EDARADD: variants seen among roughly 807,000 people sequenced by gnomAD.
EDARADD encodes ectodysplasin-A receptor-associated adapter protein.
In EDARADD, 20 loss-of-function variants were observed where a neutral mutation model predicts 25.6. The observed-to-expected ratio is 0.78, with a 90% CI of 0.55 to 1.14. The LOEUF (loss-of-function observed/expected upper bound fraction) is 1.14, where lower values mean the gene tolerates loss of function less well. Ranked by LOEUF, EDARADD falls within the 50% of genes most tolerant of loss-of-function variation. EDARADD has a pLI of 0.00. For synonymous variants in EDARADD, 86 were observed against 94.4 expected (o/e 0.91, Z 0.52); for missense variants, 225 against 270.1 (o/e 0.83, Z 1.17).
rs140417306 is a variant in EDARADD, at chr1:236,382,791, C to T, written c.-5-26425C>T. 2.0e-4 allele frequency among the ~76,000 whole-genome samples: 31 copies of T among 152,290 alleles called. 1 individual carries two copies. Among genetic ancestry groups the T allele is most frequent in the African/African-American group, 6.3e-4 (26 of 41,546 alleles). On this transcript the variant is annotated intron_variant, in intron 3 of 7. Transcript: ENST00000439430. ...AGGTTGTTTTCCAGTCTGGTTGGCACGAACAGGCACTATTACTAGCCCTGA... is the reference window on the plus strand; with the variant it reads ...AGGTTGTTTTCCAGTCTGGTTGGCATGAACAGGCACTATTACTAGCCCTGA...
rs370510313 is a variant in EDARADD, at chr1:236,456,007, T to C, written c.220-12224T>C. On this transcript the variant is annotated intron_variant, in intron 4 of 5. Transcript: ENST00000334232. ...AGTTTCACCATTTTAGCCAGGATGG[T>C]CTCGATCTGCTGACCTTGTAATCCG... Among the ~76,000 whole-genome samples the C allele has an allele frequency of 9.8e-5, 15 of 152,304 alleles. No individual in the cohort carries two copies. The East Asian group carries it at 1.4e-3, about 14-fold the overall frequency.
At chr1:236,475,596 C>G (rs1373187462) in intron 5 of EDARADD, among the ~76,000 whole-genome samples, 3 of 151,872 alleles carry the variant, frequency 2.0e-5, no homozygotes, top group Non-Finnish European at 4.4e-5. Context: ...AAACCCGTCT[C>G]TACTATAAAT....
intron 4 of EDARADD, among the ~76,000 whole-genome samples, chr1:236,429,193 A>AGGGAGAGGGAGC (rs201819535): frequency 0.44 from 63,753 of 143,400 alleles, 16,329 homozygotes; most frequent in Non-Finnish European, 0.58. Flanking sequence ...GCAGAGGGAG[A>AGGGAGAGGGAGC]GGGAGCGGGA....
chr1:236,434,211 G>A (rs1658181398), intron 4 of EDARADD, among the ~76,000 whole-genome samples: 1 of 151,924 alleles, frequency 6.6e-6, no homozygotes, highest in African/African-American at 2.4e-5. Flanking sequence ...ACACAAATCT[G>A]TAAATGTTCT....
At chr1:236,369,367 C>T (rs562497479) in intron 3 of EDARADD, among the ~76,000 whole-genome samples, 22 of 152,250 alleles carry the variant, frequency 1.4e-4, no homozygotes, top group African/African-American at 4.3e-4. Context: ...AGTTCTTCTT[C>T]GAGTTCTTTC....
chr1:236,364,229 G>A (rs192054828), intron 3 of EDARADD, among the ~76,000 whole-genome samples: 71 of 152,220 alleles, frequency 4.7e-4, no homozygotes, highest in African/African-American at 1.7e-3. Flanking sequence ...TCATTTTATA[G>A]CAATGCGAGA....
chr1:236,455,670 A>T (rs55634882), intron 4 of EDARADD, among the ~76,000 whole-genome samples: 62,263 of 152,148 alleles, frequency 0.41, 13,742 homozygotes, highest in African/African-American at 0.59. Context: ...ATTGCATTCC[A>T]GTCCAAACCA....
At chr1:236,477,550 G>T (rs72753401) in intron 5 of EDARADD, among the ~76,000 whole-genome samples, 1 of 152,266 alleles carries the variant, frequency 6.6e-6, no homozygotes, top group Non-Finnish European at 1.5e-5. Context: ...TTCCAAGTGA[G>T]GTGGAATTCC....
At chr1:236,371,969 T>A (rs967533618) in intron 3 of EDARADD, among the ~76,000 whole-genome samples, 6 of 151,930 alleles carry the variant, frequency 3.9e-5, no homozygotes, top group African/African-American at 9.7e-5. Context: ...TTATTTATTT[T>A]TTTGAGATGG....
chr1:236,437,151 T>A (rs1374615696), intron 4 of EDARADD, among the ~76,000 whole-genome samples: 1 of 152,144 alleles, frequency 6.6e-6, no homozygotes, highest in Non-Finnish European at 1.5e-5. Context: ...GCAAGTACAC[T>A]AAGAAAATCC....
intron 4 of EDARADD, among the ~76,000 whole-genome samples, chr1:236,447,198 T>G: frequency 1.6e-5 from 1 of 63,368 alleles, no homozygotes; most frequent in Admixed American, 1.8e-4. Flanking sequence ...CTTTCTTTCT[T>G]TCTTTCTTTC....
At chr1:236,440,330 A>G (rs1286360101) in intron 4 of EDARADD, among the ~76,000 whole-genome samples, 1 of 152,004 alleles carries the variant, frequency 6.6e-6, no homozygotes, top group African/African-American at 2.4e-5. Context: ...CTTTTCCTTC[A>G]CTGTTGTGTT....
intron 4 of EDARADD, among the ~76,000 whole-genome samples, chr1:236,435,799 G>A (rs1449672997): frequency 1.3e-5 from 2 of 151,740 alleles, no homozygotes; most frequent in African/African-American, 4.8e-5. Flanking sequence ...GAGAGAAGGG[G>A]GATAATACGT....
At chr1:236,473,412 C>T (rs940672716) in intron 5 of EDARADD, among the ~76,000 whole-genome samples, 4 of 152,090 alleles carry the variant, frequency 2.6e-5, no homozygotes, top group South Asian at 2.1e-4. Context: ...CTAGGACGGG[C>T]GTGGGCAGTG....
chr1:236,475,155 C>CAA (rs56374605), intron 5 of EDARADD, among the ~76,000 whole-genome samples: 9 of 150,550 alleles, frequency 6.0e-5, no homozygotes, highest in East Asian at 2.0e-4. Flanking sequence ...CAAAACAAGA[C>CAA]AAAAAAAAAC....
intron 4 of EDARADD, among the ~76,000 whole-genome samples, chr1:236,457,407 C>T (rs892274812): frequency 1.5e-4 from 22 of 151,704 alleles, no homozygotes; most frequent in African/African-American, 4.8e-4. Flanking sequence ...CGCAGCTACT[C>T]GGGAGACTGA....
intron 5 of EDARADD, among the ~76,000 whole-genome samples, chr1:236,478,297 CATA>C (rs1659564281): frequency 6.6e-6 from 1 of 150,834 alleles, no homozygotes; most frequent in South Asian, 2.1e-4. Flanking sequence ...CATCTTCACT[CATA>C]ATCAGGAGAG....
chr1:236,390,179 C>A (rs1300036600), upstream of EDARADD, among the ~76,000 whole-genome samples: 1 of 152,040 alleles, frequency 6.6e-6, no homozygotes, highest in Non-Finnish European at 1.5e-5. Flanking sequence ...TGGGAGGGGG[C>A]AAGGGATAAA....
At position 236,396,351 on chromosome 1, in the gene EDARADD, T is replaced by G. The variant is rs368551124; in HGVS notation, c.61+1846T>G. Among the ~76,000 whole-genome samples the G allele has an allele frequency of 5.3e-5, 8 of 152,180 alleles. No homozygotes were observed. In the South Asian group the frequency reaches 1.7e-3, roughly 32 times the overall value. ...TTCCTGGAGTTCTCTCTCTCCGCTG[T>G]CCTATAACCTAGACGGTGACATCCG... On this transcript the variant is annotated intron_variant, in intron 1 of 5. Coordinates refer to ENST00000334232, the MANE Select transcript of EDARADD (RefSeq NM_145861.4).
Sources: allele counts gnomAD v4.1 joint callset (sites outside exome capture counted in the v4.1 genomes callset), GRCh38; gene constraint gnomAD v4.1.1; transcripts MANE v1.5; gene names NCBI Gene and HGNC (gene_info 2026-07-23, HGNC 2026-07-21).